Variants in SARDH observed in about 807,000 individuals in gnomAD.
SARDH encodes the protein sarcosine dehydrogenase, mitochondrial.
SARDH carries 95 observed loss-of-function variants against 109.1 expected under a neutral mutation model. That is an observed-to-expected ratio of 0.87 (90% CI 0.74 to 1.03). The LOEUF is 1.03. Among genes scored for constraint, SARDH ranks in the 50% least tolerant of loss-of-function variants. SARDH has a pLI of 0.00. For synonymous variants in SARDH, 572 were observed against 534.8 expected, an observed-to-expected ratio of 1.07 and a Z score of -0.96; for missense variants, 1,267 against 1,287.8, an observed-to-expected ratio of 0.98 and a Z score of 0.25.
intron 1 of SARDH, among the ~76,000 whole-genome samples, chr9:133,734,444 T>C (rs201397112): frequency 5.1e-4 from 66 of 128,768 alleles, no homozygotes; most frequent in African/African-American, 7.5e-4. Flanking sequence ...CATTCACTCA[T>C]TCATTCATTC....
chr9:133,673,619 G>A (rs1830423480), intron 17 of SARDH, among the ~76,000 whole-genome samples: 1 of 152,160 alleles, frequency 6.6e-6, no homozygotes, highest in South Asian at 2.1e-4. Flanking sequence ...ATTTGCCCAG[G>A]CCTCCTAAAA....
At chr9:133,668,257 GAC>G (rs1243253561) in intron 19 of SARDH, among the ~76,000 whole-genome samples, 1 of 148,432 alleles carries the variant, frequency 6.7e-6, no homozygotes, top group Admixed American at 6.7e-5. Flanking sequence ...GGATGACGAC[GAC>G]ACGGCTCCAC....
In SARDH at chr9:133,692,859, G is replaced by C. The variant is rs755169926; in HGVS notation, c.1921+1399C>G. On this transcript the variant is annotated intron_variant, in intron 15 of 20. Coordinates refer to ENST00000439388, the MANE Select transcript of SARDH (RefSeq NM_001134707.2). This position sits in a 1 kb window ranked among gnomAD's most constrained non-coding sequence, Gnocchi z 5.0. ...CTCCCTCAGCCTCCACGTCGCCAAC[G>C]GCAGGAGGGAAGGGGTGGGCGAGCT... is the stretch of plus-strand genomic sequence containing the variant. Among the ~76,000 whole-genome samples the C allele has an allele frequency of 6.6e-6, 1 of 152,140 alleles. No individual in the cohort carries two copies. The highest frequency in any genetic ancestry group is 1.5e-5 in the Non-Finnish European group (1 of 68,022).
At chr9:133,738,100 G>A (rs1457513188) in intron 1 of SARDH, among the ~76,000 whole-genome samples, 154 bp downstream of exon 1, 1 of 152,160 alleles carries the variant, frequency 6.6e-6, no homozygotes, top group African/African-American at 2.4e-5. Flanking sequence ...GGAGGCAGCT[G>A]CCCATATGGT....
intron 19 of SARDH, among the ~76,000 whole-genome samples, chr9:133,667,891 A>G (rs1455943139): frequency 2.6e-5 from 4 of 152,142 alleles, no homozygotes; most frequent in African/African-American, 4.8e-5. Flanking sequence ...GGAGTCCCAG[A>G]GCAGTGTGGC....
At chr9:133,688,633 T>G (rs911722041) in intron 16 of SARDH, among the ~76,000 whole-genome samples, 1 of 152,200 alleles carries the variant, frequency 6.6e-6, no homozygotes, top group African/African-American at 2.4e-5. Flanking sequence ...TATCTCACCC[T>G]GCTGCCCTCT....
chr9:133,691,169 A>AACACACAC lies in SARDH; in HGVS notation c.1922-650_1922-643dup, dbSNP rs3081171. On this transcript the variant is annotated intron_variant, in intron 15 of 20. Transcript: ENST00000439388. ...ACAGACACCCTACCTCACCTCCCCC[A>AACACACAC]ACACACACACACACACACACACACA... Among the ~76,000 whole-genome samples the AACACACAC allele has an allele frequency of 4.0e-3, 450 of 112,184 alleles. 6 individuals carry two copies. Among genetic ancestry groups the AACACACAC allele is most frequent in the East Asian group, 0.013 (45 of 3,554 alleles). The allele number at this position is 112,184 out of a possible 152,430, so 73.6% of individuals were successfully genotyped here.
downstream of SARDH, among the ~76,000 whole-genome samples, chr9:133,660,129 C>T (rs1432866104): frequency 2.7e-5 from 4 of 150,608 alleles, no homozygotes; most frequent in Admixed American, 6.6e-5. Context: ...AGACAGCAGC[C>T]GTGTCCCCCC....
Position 133,666,706 on chromosome 9 carries a change from C to G in SARDH, c.2631+29G>C, listed in dbSNP as rs1464966598. On this transcript the variant is annotated intron_variant, in intron 20 of 20. Transcript: ENST00000439388. This position sits in a 1 kb window ranked among gnomAD's most constrained non-coding sequence, Gnocchi z 5.2. ...GGAGCTGGTGAGGGATCGGCATCTGCCTTAGCAGGGCCAGAGAAGGGGACT... is the reference window on the plus strand; with the variant it reads ...GGAGCTGGTGAGGGATCGGCATCTGGCTTAGCAGGGCCAGAGAAGGGGACT... 1.9e-6 allele frequency: 3 copies of G among 1,569,440 alleles called. No individual in the cohort carries two copies. In the Admixed American group the frequency reaches 5.7e-5, roughly 30 times the overall value.
intron 17 of SARDH, among the ~76,000 whole-genome samples, chr9:133,673,756 G>A (rs1830427886): frequency 2.0e-5 from 3 of 152,170 alleles, no homozygotes; most frequent in Non-Finnish European, 2.9e-5. Flanking sequence ...GGAGGAGCTC[G>A]GGGCTCAAAA....
intron 1 of SARDH, among the ~76,000 whole-genome samples, chr9:133,737,937 G>A (rs1232142231): frequency 1.3e-5 from 2 of 152,180 alleles, no homozygotes; most frequent in Non-Finnish European, 2.9e-5. Flanking sequence ...CTGGGGCCTC[G>A]AGCAACAACT....
intron 16 of SARDH, among the ~76,000 whole-genome samples, chr9:133,689,926 A>T (rs1241556890): frequency 6.6e-6 from 1 of 152,232 alleles, no homozygotes; most frequent in African/African-American, 2.4e-5. Flanking sequence ...TATAGAAGGA[A>T]TGCACGCATG....
chr9:133,705,165 C>T (rs1831643476), intron 11 of SARDH, 134 bp from the exon 12 acceptor site: 4 of 822,942 alleles, frequency 4.9e-6, no homozygotes, highest in Non-Finnish European at 8.0e-6. Flanking sequence ...ACCAGGCCTC[C>T]AGCCCAGTGT....
intron 8 of SARDH, among the ~76,000 whole-genome samples, 160 bp downstream of exon 8, chr9:133,717,166 A>G (rs1240314175): frequency 1.3e-5 from 2 of 152,042 alleles, no homozygotes; most frequent in Non-Finnish European, 2.9e-5. Flanking sequence ...TAAAGGCCAC[A>G]CCTAGTACCC....
At chr9:133,674,591 T>C (rs1457828208) in intron 17 of SARDH, among the ~76,000 whole-genome samples, 1 of 152,192 alleles carries the variant, frequency 6.6e-6, no homozygotes, top group Non-Finnish European at 1.5e-5. Flanking sequence ...AAATGAACCG[T>C]CACGTATGTG....
intron 8 of SARDH, among the ~76,000 whole-genome samples, chr9:133,715,116 C>G (rs1030247733): frequency 1.3e-5 from 2 of 152,140 alleles, no homozygotes; most frequent in African/African-American, 2.4e-5. Context: ...CCCTCCCAGG[C>G]GCTCCCTAAG....
In SARDH at chr9:133,694,278, G is replaced by C; in HGVS notation, c.1901C>G (p.Pro634Arg). The change falls in exon 15 of 21, where the codon CCG (proline) becomes CGG (arginine). Residue 634 changes from proline (P) to arginine (R), a missense_variant. Coordinates refer to ENST00000439388, the MANE Select transcript of SARDH (RefSeq NM_001134707.2). ...SRLAPSHQASPLAPAFEGDGY... is the reference protein window; with the variant it reads ...SRLAPSHQASRLAPAFEGDGY... ...CATACCTTCAAAGGCGGGGGCCAGC[G>C]GGGAGGCCTGGTGGCTGGGTGCCAG... 6.5e-7 allele frequency: 1 copy of C among 1,549,498 alleles called. No homozygotes were observed.
chr9:133,738,014 G>T (rs936153738), intron 1 of SARDH, among the ~76,000 whole-genome samples: 1 of 152,212 alleles, frequency 6.6e-6, no homozygotes, highest in Non-Finnish European at 1.5e-5. Context: ...GGTGGTGGGG[G>T]TCAAGCGAGG....
Position 133,718,477 on chromosome 9 carries a change from C to G in SARDH, c.1020+461G>C, listed in dbSNP as rs1588443015. 1.9e-6 allele frequency: 1 copy of G among 515,722 alleles called. No individual in the cohort carries two copies. The highest frequency in any genetic ancestry group is 1.9e-5 in the African/African-American group (1 of 52,276). The allele number at this position is 515,722 out of a possible 1,614,324, so 31.9% of individuals were successfully genotyped here. ...TCCAGAAATTAAAGCAGTTTTTAGC[C>G]CAAAGTAGCCACTCAGTCGTTCCAT... On this transcript the variant is annotated intron_variant, in intron 7 of 20. Transcript: ENST00000439388. The surrounding 1 kb of genome is among the most constrained non-coding windows in gnomAD (Gnocchi z 4.2).
Sources: allele counts gnomAD v4.1 joint callset (sites outside exome capture counted in the v4.1 genomes callset), GRCh38; gene constraint gnomAD v4.1.1; non-coding constraint Gnocchi (gnomAD v3.1); transcripts MANE v1.5; gene names NCBI Gene and HGNC (gene_info 2026-07-23, HGNC 2026-07-21).